The following SNX30 variants were observed in gnomAD, a reference collection of about 807,000 sequenced individuals.
The protein encoded by SNX30 is sorting nexin-30.
A neutral mutation model predicts 46.4 loss-of-function variants in SNX30; 24 were observed. That is an observed-to-expected ratio of 0.52 (90% CI 0.37 to 0.73). The LOEUF is 0.73. Ranked by LOEUF, SNX30 falls within the 30% of genes least tolerant of loss-of-function variation. The probability of loss-of-function intolerance (pLI) is 0.00; values close to 1 mark genes in which losing one functional copy is unlikely to be tolerated. For missense variants in SNX30, 533 were observed against 555.7 expected, an observed-to-expected ratio of 0.96 and a Z score of 0.41; for synonymous variants, 189 against 211.5, an observed-to-expected ratio of 0.89 and a Z score of 0.92.
intron 2 of SNX30, 93 bp downstream of exon 2, chr9:112,805,060 G>T (rs1001172381): frequency 1.1e-6 from 1 of 881,028 alleles, no homozygotes; most frequent in East Asian, 2.6e-5. Flanking sequence ...CCCCCTTATT[G>T]TACAACTCTG....
At chr9:112,758,857 A>T (rs1285248390) in intron 1 of SNX30, among the ~76,000 whole-genome samples, 1 of 152,022 alleles carries the variant, frequency 6.6e-6, no homozygotes, top group Admixed American at 6.6e-5. Flanking sequence ...TTAAACACAC[A>T]CACACACACA....
chr9:112,832,564 A>G (rs775226840), intron 4 of SNX30, among the ~76,000 whole-genome samples: 20 of 143,598 alleles, frequency 1.4e-4, no homozygotes, highest in Non-Finnish European at 2.7e-4. Context: ...TAAAAAATAT[A>G]AGGTCCTTAT....
At chr9:112,821,341 C>T (rs79104614) in intron 3 of SNX30, among the ~76,000 whole-genome samples, 1 of 151,942 alleles carries the variant, frequency 6.6e-6, no homozygotes, top group Non-Finnish European at 1.5e-5. Flanking sequence ...AGATCCATTG[C>T]CCATTTAAAA....
chr9:112,766,236 C>G (rs1391853323), intron 1 of SNX30, among the ~76,000 whole-genome samples: 1 of 152,180 alleles, frequency 6.6e-6, no homozygotes, highest in Non-Finnish European at 1.5e-5. Context: ...TTTTCCTCCA[C>G]CCCTCCAGTG....
chr9:112,763,360 CTTTTTTTTTTTTT>C (rs751720343), intron 1 of SNX30, among the ~76,000 whole-genome samples: 12 of 47,588 alleles, frequency 2.5e-4, no homozygotes, highest in African/African-American at 6.7e-4. Context: ...GCTATTTAAA[CTTTTTTTTTTTTT>C]TTTTTTTTTT....
intron 6 of SNX30, 85 bp downstream of exon 6, chr9:112,838,782 TG>T: frequency 3.0e-6 from 4 of 1,341,998 alleles, no homozygotes; most frequent in Non-Finnish European, 4.2e-6. Flanking sequence ...CCTGTTTGCA[TG>T]TGATATAAGT....
chr9:112,805,221 T>C (rs1335740646), intron 2 of SNX30, among the ~76,000 whole-genome samples: 1 of 17,358 alleles, frequency 5.8e-5, no homozygotes, highest in Non-Finnish European at 9.1e-5. Context: ...TACTTGCGCT[T>C]ATTTTTTTTT....
intron 3 of SNX30, among the ~76,000 whole-genome samples, chr9:112,825,168 G>A (rs1840562883): frequency 6.6e-6 from 1 of 152,160 alleles, no homozygotes; most frequent in African/African-American, 2.4e-5. Flanking sequence ...TTGTTCAAAC[G>A]GTTTTCCACA....
upstream of SNX30, chr9:112,750,591 G>A (rs1352734926): frequency 6.6e-6 from 1 of 152,530 alleles, no homozygotes; most frequent in East Asian, 1.9e-4. Context: ...GAGGCCCAGG[G>A]CGCACTTCCT....
intron 1 of SNX30, among the ~76,000 whole-genome samples, chr9:112,765,693 A>G (rs546275549): frequency 5.9e-5 from 9 of 152,338 alleles, no homozygotes; most frequent in Non-Finnish European, 1.2e-4. Flanking sequence ...AAGATGTACA[A>G]CATGTTTTGA....
intron 2 of SNX30, among the ~76,000 whole-genome samples, chr9:112,806,949 C>T (rs974500266): frequency 6.6e-5 from 10 of 151,708 alleles, no homozygotes; most frequent in African/African-American, 1.9e-4. Flanking sequence ...CTTACTCTTT[C>T]AATCTCTGTC....
At chr9:112,822,016 T>TA (rs1840506895) in intron 3 of SNX30, among the ~76,000 whole-genome samples, 1 of 151,854 alleles carries the variant, frequency 6.6e-6, no homozygotes, top group South Asian at 2.1e-4. Flanking sequence ...TGGGCTCAAG[T>TA]GATCTTCCCA....
intron 1 of SNX30, among the ~76,000 whole-genome samples, chr9:112,764,628 G>A (rs1402385238): frequency 6.6e-6 from 1 of 152,152 alleles, no homozygotes; most frequent in Non-Finnish European, 1.5e-5. Context: ...AACTAGCTGG[G>A]ATTGGGTGGG....
At chr9:112,823,801 C>T (rs963780975) in intron 3 of SNX30, among the ~76,000 whole-genome samples, 7 of 151,972 alleles carry the variant, frequency 4.6e-5, no homozygotes, top group South Asian at 2.1e-4. Flanking sequence ...AATATACCTG[C>T]GTTTAGCTTA....
At chr9:112,763,809 A>G (rs1380978424) in intron 1 of SNX30, among the ~76,000 whole-genome samples, 1 of 151,396 alleles carries the variant, frequency 6.6e-6, no homozygotes, top group Non-Finnish European at 1.5e-5. Context: ...AGATTGTGCC[A>G]CTGCACTCCA....
At chr9:112,838,276 C>T (rs1166340910) in intron 5 of SNX30, among the ~76,000 whole-genome samples, 1 of 152,178 alleles carries the variant, frequency 6.6e-6, no homozygotes, top group East Asian at 1.9e-4. Flanking sequence ...ATGGCATTCC[C>T]ATCACGGGAT....
intron 3 of SNX30, among the ~76,000 whole-genome samples, chr9:112,828,455 T>G (rs762972761): frequency 1.3e-5 from 2 of 151,648 alleles, no homozygotes; most frequent in Non-Finnish European, 2.9e-5. Context: ...TGCCTGACAA[T>G]GCATTTCTCA....
chr9:112,836,207 T>C lies in SNX30; in HGVS notation c.619-7T>C. On this transcript the variant is annotated splice_polypyrimidine_tract_variant and splice_region_variant and intron_variant, in intron 4 of 8. Coordinates refer to ENST00000374232, the MANE Select transcript of SNX30 (RefSeq NM_001012994.2). ...GTGCTTTGAGCTTATTCACATATCA[T>C]CCTCAGGACCTGAACGCCTACAAGA... is the stretch of plus-strand genomic sequence containing the variant. 1 of 1,584,630 alleles carries C rather than the reference T, an allele frequency of 6.3e-7. No individual in the cohort carries two copies. Among genetic ancestry groups the C allele is most frequent in the Middle Eastern group, 1.7e-4 (1 of 5,754 alleles).
chr9:112,814,786 T>C (rs1840372187), intron 2 of SNX30, among the ~76,000 whole-genome samples: 1 of 152,248 alleles, frequency 6.6e-6, no homozygotes, highest in Non-Finnish European at 1.5e-5. Flanking sequence ...TATGTACACT[T>C]TTGTCCAGCA....
Sources: allele counts gnomAD v4.1 joint callset (sites outside exome capture counted in the v4.1 genomes callset), GRCh38; gene constraint gnomAD v4.1.1; transcripts MANE v1.5; gene names NCBI Gene and HGNC (gene_info 2026-07-23, HGNC 2026-07-21).